Variants in HPSE2 observed in about 807,000 individuals in gnomAD.
HPSE2 encodes the protein inactive heparanase-2.
HPSE2 carries 38 observed loss-of-function variants against 60.5 expected under a neutral mutation model. The observed-to-expected ratio is 0.63, with a 90% CI of 0.48 to 0.82. The LOEUF is 0.82. HPSE2 is among the 40% of genes least tolerant of loss of function. The pLI is 0.00. For missense variants in HPSE2, 713 were observed against 740.4 expected (o/e 0.96, Z 0.43); for synonymous variants, 295 against 293.2 (o/e 1.01, Z -0.06).
intron 8 of HPSE2, 139 bp downstream of exon 8, chr10:98,620,463 C>G: frequency 1.4e-6 from 1 of 707,042 alleles, no homozygotes; most frequent in Non-Finnish European, 2.6e-6. Context: ...TGGTTTAAGA[C>G]ACACATGAAT....
chr10:99,158,944 A>T (rs1473219215), intron 2 of HPSE2, among the ~76,000 whole-genome samples: 2 of 152,182 alleles, frequency 1.3e-5, no homozygotes. Context: ...TGGACTAAAC[A>T]GTCAATCAAA....
intron 2 of HPSE2, among the ~76,000 whole-genome samples, chr10:99,154,284 C>CT (rs1846426079): frequency 7.5e-6 from 1 of 132,746 alleles, no homozygotes; most frequent in Non-Finnish European, 1.6e-5. Flanking sequence ...AAGAGCAACT[C>CT]CAAGACACAT....
At chr10:99,222,317 G>A (rs1010799490) in intron 2 of HPSE2, among the ~76,000 whole-genome samples, 3 of 152,058 alleles carry the variant, frequency 2.0e-5, no homozygotes, top group Non-Finnish European at 4.4e-5. Flanking sequence ...TAACCTCTTT[G>A]TTCCTTGATT....
chr10:99,113,378 A>T (rs943851968), intron 3 of HPSE2, among the ~76,000 whole-genome samples: 46 of 152,200 alleles, frequency 3.0e-4, no homozygotes, highest in African/African-American at 1.0e-3. Context: ...TTTAGGAATA[A>T]AGGACTTCAC....
At chr10:99,085,614 A>G (rs1446180020) in intron 3 of HPSE2, among the ~76,000 whole-genome samples, 1 of 152,100 alleles carries the variant, frequency 6.6e-6, no homozygotes, top group African/African-American at 2.4e-5. Context: ...ATATTTATTA[A>G]AAGTATTGAG....
At chr10:98,891,682 C>T (rs1953340271) in intron 3 of HPSE2, among the ~76,000 whole-genome samples, 2 of 152,122 alleles carry the variant, frequency 1.3e-5, no homozygotes, top group South Asian at 2.1e-4. Context: ...TCTTGAACTC[C>T]TGGCCTCAAG....
chr10:98,740,272 C>CCCAGGG (rs2134315782), intron 4 of HPSE2, among the ~76,000 whole-genome samples: 1 of 151,534 alleles, frequency 6.6e-6, no homozygotes, highest in East Asian at 1.9e-4. Context: ...ACCTCCCAGG[C>CCCAGGG]TCAAGTGACC....
In HPSE2 at chr10:98,707,498, A is replaced by G. The variant is rs978251686; in HGVS notation, c.957-13551T>C. 9.8e-5 allele frequency among the ~76,000 whole-genome samples: 15 copies of G among 152,336 alleles called. No homozygotes were observed. The East Asian group carries it at 2.9e-3, about 29-fold the overall frequency. On this transcript the variant is annotated intron_variant, in intron 5 of 11. Coordinates refer to ENST00000370552, the MANE Select transcript of HPSE2 (RefSeq NM_021828.5). ...TGCTATATGTGAGAATTAAGTCCTC[A>G]TATAATGTTCTATTAACTAAAGGAA... is the stretch of plus-strand genomic sequence containing the variant.
At chr10:98,789,991 C>T (rs553468399) in intron 3 of HPSE2, among the ~76,000 whole-genome samples, 1 of 151,760 alleles carries the variant, frequency 6.6e-6, no homozygotes, top group East Asian at 1.9e-4. Context: ...GTCAGCTCTA[C>T]TAAAGGCTGA....
At chr10:99,043,229 A>G (rs1957781244) in intron 3 of HPSE2, among the ~76,000 whole-genome samples, 1 of 152,218 alleles carries the variant, frequency 6.6e-6, no homozygotes, top group African/African-American at 2.4e-5. Context: ...TCATGTCTGT[A>G]ATCCCAGCAC....
At chr10:98,818,031 A>G (rs1260779912) in intron 3 of HPSE2, among the ~76,000 whole-genome samples, 3 of 152,202 alleles carry the variant, frequency 2.0e-5, no homozygotes, top group Admixed American at 1.3e-4. Flanking sequence ...ATCAGCATAT[A>G]TGAAAAGTTG....
chr10:99,041,866 G>A (rs1437994403), intron 3 of HPSE2, among the ~76,000 whole-genome samples: 1 of 152,148 alleles, frequency 6.6e-6, no homozygotes, highest in Non-Finnish European at 1.5e-5. Flanking sequence ...GCTGGGAAGG[G>A]AGCTAAGAGC....
chr10:99,076,863 G>C (rs888638576), intron 3 of HPSE2, among the ~76,000 whole-genome samples: 5 of 152,184 alleles, frequency 3.3e-5, no homozygotes, highest in Non-Finnish European at 7.4e-5. Flanking sequence ...TTCACTTAAA[G>C]AACTCCCTTT....
chr10:99,083,845 A>G (rs187705230), intron 3 of HPSE2, among the ~76,000 whole-genome samples: 1 of 152,300 alleles, frequency 6.6e-6, no homozygotes, highest in East Asian at 1.9e-4. Context: ...GAAAAAGAAC[A>G]AAAGTCAAAG....
intron 6 of HPSE2, among the ~76,000 whole-genome samples, chr10:98,667,406 T>A (rs1947393112): frequency 6.6e-6 from 1 of 151,954 alleles, no homozygotes; most frequent in African/African-American, 2.4e-5. Flanking sequence ...AGGCGGAGGA[T>A]CTCCTCCCTA....
At chr10:98,493,977 TG>T (rs1363440708) in intron 9 of HPSE2, among the ~76,000 whole-genome samples, 2 of 152,236 alleles carry the variant, frequency 1.3e-5, no homozygotes, top group African/African-American at 4.8e-5. Context: ...GTGGTTACTT[TG>T]GTATTACATT....
the HPSE2 span, among the ~76,000 whole-genome samples, chr10:99,289,259 C>T: frequency 6.6e-6 from 1 of 152,136 alleles, no homozygotes; most frequent in East Asian, 1.9e-4. Flanking sequence ...AGTACTTAAA[C>T]TAAATCATAA....
intron 6 of HPSE2, among the ~76,000 whole-genome samples, chr10:98,659,279 CA>C (rs1947160905): frequency 2.0e-5 from 3 of 152,030 alleles, no homozygotes; most frequent in Admixed American, 1.3e-4. Flanking sequence ...CCTGTGTAAA[CA>C]AAAAAGTCAG....
At chr10:98,519,306 C>T (rs1161482800) in intron 9 of HPSE2, among the ~76,000 whole-genome samples, 1 of 152,192 alleles carries the variant, frequency 6.6e-6, no homozygotes, top group Non-Finnish European at 1.5e-5. Context: ...TGGCCCACAG[C>T]CAGGAAAGTC....
Sources: gnomAD v4.1 joint callset for allele counts (sites outside exome capture counted in the v4.1 genomes callset) on GRCh38, gnomAD v4.1.1 for gene constraint, MANE v1.5 for transcripts, NCBI Gene and HGNC (gene_info 2026-07-23, HGNC 2026-07-21) for gene names.